The following ALPK1 variants were observed in gnomAD, a reference collection of about 807,000 sequenced individuals.
ALPK1 encodes alpha-protein kinase 1.
ALPK1 carries 110 observed loss-of-function variants against 120.6 expected under a neutral mutation model. That is an observed-to-expected ratio of 0.91 (90% CI 0.78 to 1.07). The LOEUF is 1.07. Among genes scored for constraint, ALPK1 ranks in the 50% least tolerant of loss-of-function variants. The probability of loss-of-function intolerance (pLI) is 0.00; values close to 1 mark genes in which losing one functional copy is unlikely to be tolerated. For synonymous variants in ALPK1, 582 were observed against 560.3 expected (o/e 1.04, Z -0.55); for missense variants, 1,498 against 1,483.9 (o/e 1.01, Z -0.16).
rs1465049375 is a variant in ALPK1 at position 112,430,920 on chromosome 4, C to A, written c.1373C>A (p.Thr458Asn). The A allele has an allele frequency of 6.2e-7, 1 of 1,614,112 alleles. No individual in the cohort carries two copies. The highest frequency in any genetic ancestry group is 1.3e-5 in the African/African-American group (1 of 75,032). ...GGGGATTTCCAAAAAATCCTTGACA[C>A]CTATTCACAGCACCATACTTCGGTG... The part of the protein sequence containing the change: ...GQGDFQKILD[T>N]YSQHHTSVCE... Residue 458 changes from threonine (T) to asparagine (N), a missense_variant, in exon 11 of 16, where the codon ACC (threonine) becomes AAC (asparagine). Thr to Asn is a moderately conservative substitution (Grantham distance 65). Coordinates refer to ENST00000650871, the MANE Select transcript of ALPK1 (RefSeq NM_025144.4).
chr4:112,431,223 C>CA lies in ALPK1; in HGVS notation c.1677dup (p.Ser560IlefsTer7), dbSNP rs749594378. ...CAAGATGTGGAGACTGAGACTGAGCCATCGGACTACAGCAATGGTGAGGGA... is the reference window on the plus strand; with the variant it reads ...CAAGATGTGGAGACTGAGACTGAGCCAATCGGACTACAGCAATGGTGAGGGA... On this transcript the variant is annotated frameshift_variant, in exon 11 of 16. Transcript: ENST00000650871. LOFTEE classifies it high-confidence loss of function. 22 of 1,614,052 alleles carry CA rather than the reference C, an allele frequency of 1.4e-5. No homozygotes were observed. The highest frequency in any genetic ancestry group is 1.7e-5 in the Non-Finnish European group (20 of 1,180,024).
chr4:112,382,397 G>A lies in ALPK1; in HGVS notation c.122-1G>A. 1 of 1,603,664 alleles carries A rather than the reference G, an allele frequency of 6.2e-7. No homozygotes were observed. Among genetic ancestry groups the A allele is most frequent in the Non-Finnish European group, 8.5e-7 (1 of 1,176,200 alleles). ...CCTTACCTGAACTCTGACCTTTTCA[G>A]CTTTACTCCCCAGCGAGTTAAGGAC... On this transcript the variant is annotated splice_acceptor_variant, in intron 3 of 15. Transcript: ENST00000650871. LOFTEE classifies it high-confidence loss of function.
At chr4:112,403,678 T>G (rs1344397588) in intron 4 of ALPK1, among the ~76,000 whole-genome samples, 2 of 152,138 alleles carry the variant, frequency 1.3e-5, no homozygotes, top group African/African-American at 4.8e-5. Flanking sequence ...ATTCAGTGAG[T>G]TTGGCCTCTC....
intron 4 of ALPK1, among the ~76,000 whole-genome samples, chr4:112,393,886 T>A (rs2148736313): frequency 6.6e-6 from 1 of 152,242 alleles, no homozygotes; most frequent in African/African-American, 2.4e-5. Context: ...TTATATTTTT[T>A]AGATCATTTT....
Position 112,411,957 on chromosome 4 carries a change from A to G in ALPK1, c.407A>G (p.Lys136Arg), listed in dbSNP as rs1203382709. 1 of 1,614,114 alleles carries G rather than the reference A, an allele frequency of 6.2e-7. No individual in the cohort carries two copies. Among genetic ancestry groups the G allele is most frequent in the Admixed American group, 1.7e-5 (1 of 60,030 alleles). Reference sequence around the variant, plus strand: ...CTGCAGGTCGCCAAAGGTCTCCACAAGTTGCAGCCAGCCACGCCAATTGCC... The same window carrying G: ...CTGCAGGTCGCCAAAGGTCTCCACAGGTTGCAGCCAGCCACGCCAATTGCC... Reference protein sequence around the residue: ...KLLQVAKGLHKLQPATPIAPQ... With the variant: ...KLLQVAKGLHRLQPATPIAPQ... Residue 136 changes from lysine to arginine, a missense_variant, in exon 5 of 16, where the codon AAG becomes AGG. Transcript: ENST00000650871.
In ALPK1 at chr4:112,432,414, G is replaced by C. The variant is rs766418850; in HGVS notation, c.2867G>C (p.Ser956Thr). 8.1e-6 allele frequency: 13 copies of C among 1,614,044 alleles called. No homozygotes were observed. Among genetic ancestry groups the C allele is most frequent in the Non-Finnish European group, 5.1e-6 (6 of 1,180,032 alleles). Residue 956 changes from serine to threonine, a missense_variant, in exon 11 of 16, where the codon AGT (serine) becomes ACT (threonine). Physicochemically the swap from Ser to Thr is moderately conservative, Grantham distance 58 (BLOSUM62 1). Transcript: ENST00000650871. ...TGGTCCTATCTGAATTCCAGTGGGA[G>C]TTCTTGGGTTTCATTGCCGGGAAAG... ...SPWSYLNSSG[S>T]SWVSLPGKMR...
rs149215120 is a variant in ALPK1 at position 112,393,964 on chromosome 4, G to A, written c.276+11412G>A. Among the ~76,000 whole-genome samples the A allele has an allele frequency of 4.2e-4, 64 of 151,788 alleles. No homozygotes were observed. The East Asian group carries it at 7.4e-3, about 17-fold the overall frequency. On this transcript the variant is annotated intron_variant, in intron 4 of 15. Coordinates refer to ENST00000650871, the MANE Select transcript of ALPK1 (RefSeq NM_025144.4). ...TATATATATACTGTATATATAATTC[G>A]TATTGAGTACAAGTTATTTCTCCAT...
At chr4:112,373,625 TG>T (rs1184637973) in intron 2 of ALPK1, among the ~76,000 whole-genome samples, 1 of 152,152 alleles carries the variant, frequency 6.6e-6, no homozygotes, top group Admixed American at 6.6e-5. Context: ...GGTGCAGTGG[TG>T]CGTACCTGTA....
chr4:112,354,980 A>G (rs1184848597), intron 2 of ALPK1, among the ~76,000 whole-genome samples: 1 of 152,174 alleles, frequency 6.6e-6, no homozygotes, highest in Non-Finnish European at 1.5e-5. Context: ...AGAACTGTTG[A>G]GATTTTGACT....
At chr4:112,429,813 CT>C (rs1734445112) in intron 10 of ALPK1, among the ~76,000 whole-genome samples, 1 of 138,922 alleles carries the variant, frequency 7.2e-6, no homozygotes, top group African/African-American at 2.8e-5. Context: ...GCACTCCACC[CT>C]GGGTAACAGA....
At chr4:112,392,993 A>G (rs917632185) in intron 4 of ALPK1, among the ~76,000 whole-genome samples, 1 of 152,222 alleles carries the variant, frequency 6.6e-6, no homozygotes, top group Non-Finnish European at 1.5e-5. Context: ...CTACATGTCC[A>G]TCTGAGGTCA....
intron 8 of ALPK1, 99 bp downstream of exon 8, chr4:112,426,642 T>C: frequency 9.7e-7 from 1 of 1,035,412 alleles, no homozygotes. Flanking sequence ...CAATTTCATC[T>C]GTCCTATTTT....
At chr4:112,432,660 C>A in intron 11 of ALPK1, 79 bp downstream of exon 11, 1 of 1,357,582 alleles carries the variant, frequency 7.4e-7, no homozygotes, top group South Asian at 1.3e-5. Flanking sequence ...GTATGTAGAT[C>A]ACTTAAAGCT....
intron 2 of ALPK1, among the ~76,000 whole-genome samples, chr4:112,335,240 G>A (rs1729560095): frequency 1.3e-5 from 2 of 149,356 alleles, no homozygotes. Context: ...TCCAGCCTGG[G>A]CAACAAGAGT....
At chr4:112,357,278 G>C in intron 2 of ALPK1, 1 of 1,163,224 alleles carries the variant, frequency 8.6e-7, no homozygotes, top group South Asian at 1.4e-5. Context: ...TGGGGTGTTC[G>C]CCAACACAGC....
chr4:112,343,269 C>T (rs933971412), intron 2 of ALPK1: 3 of 152,170 alleles, frequency 2.0e-5, no homozygotes, highest in Admixed American at 6.5e-5. Flanking sequence ...CTCTTGACTT[C>T]GTTTTAACTA....
chr4:112,381,048 G>A (rs906644844), intron 3 of ALPK1, among the ~76,000 whole-genome samples: 6 of 152,210 alleles, frequency 3.9e-5, no homozygotes, highest in African/African-American at 1.4e-4. Flanking sequence ...GAGCCGGAAC[G>A]GGATTTGCCA....
At chr4:112,358,595 G>A in intron 2 of ALPK1, 2 of 722,416 alleles carry the variant, frequency 2.8e-6, no homozygotes, top group Non-Finnish European at 2.5e-6. Context: ...GGGGCTGCTG[G>A]CCGCCCTGGA....
chr4:112,357,442 GAGCACCACTGCA>G (rs1275902813), intron 2 of ALPK1: 1 of 705,460 alleles, frequency 1.4e-6, no homozygotes, highest in African/African-American at 1.7e-5. Context: ...CTGATGCCTG[GAGCACCACTGCA>G]GCAGAAAGCG....
Sources: allele counts gnomAD v4.1 joint callset (sites outside exome capture counted in the v4.1 genomes callset), GRCh38; gene constraint gnomAD v4.1.1; transcripts MANE v1.5; gene names NCBI Gene and HGNC (gene_info 2026-07-23, HGNC 2026-07-21).